Variants in DNAJC6 observed in about 807,000 individuals in gnomAD.
DNAJC6 encodes the protein DnaJ heat shock protein family (Hsp40) member C6.
In DNAJC6, 34 loss-of-function variants were observed where a neutral mutation model predicts 110.0. The observed-to-expected ratio is 0.31, with a 90% CI of 0.24 to 0.41. The LOEUF (loss-of-function observed/expected upper bound fraction) is 0.41. DNAJC6 is among the 10% of genes least tolerant of loss of function. DNAJC6 has a pLI of 1.00. For synonymous variants in DNAJC6, 406 were observed against 437.2 expected, an observed-to-expected ratio of 0.93 and a Z score of 0.89; for missense variants, 1,031 against 1,207.8, an observed-to-expected ratio of 0.85 and a Z score of 2.17.
intron 16 of DNAJC6, 140 bp from the exon 17 acceptor site, chr1:65,408,501 C>G: frequency 1.1e-6 from 1 of 897,370 alleles, no homozygotes; most frequent in Non-Finnish European, 1.7e-6. Context: ...TCTTACCCTA[C>G]TCACAGGGTA....
chr1:65,385,223 A>G (rs1645859658), intron 6 of DNAJC6, among the ~76,000 whole-genome samples: 1 of 152,234 alleles, frequency 6.6e-6, no homozygotes, highest in African/African-American at 2.4e-5. Flanking sequence ...TATAGAAATA[A>G]AAGATTACAA....
intron 1 of DNAJC6, among the ~76,000 whole-genome samples, chr1:65,304,100 A>G (rs1645015201): frequency 6.6e-6 from 1 of 152,124 alleles, no homozygotes; most frequent in South Asian, 2.1e-4. Context: ...TAAGGTAGGT[A>G]AGGCACCTGG....
At chr1:65,355,830 G>C (rs563199971) in intron 1 of DNAJC6, among the ~76,000 whole-genome samples, 11 of 149,506 alleles carry the variant, frequency 7.4e-5, no homozygotes, top group Admixed American at 7.3e-4. Context: ...AGGGAGGCTT[G>C]CTAGACACAT....
Position 65,385,722 on chromosome 1 carries a change from T to C in DNAJC6, c.811T>C (p.Tyr271His), listed in dbSNP as rs1490968489. The C allele has an allele frequency of 6.2e-7, 1 of 1,607,702 alleles. No homozygotes were observed. The highest frequency in any genetic ancestry group is 1.7e-5 in the Admixed American group (1 of 59,786). Residue 271 changes from tyrosine (Y) to histidine (H), a missense_variant, in exon 7 of 19, where the codon TAT becomes CAT. Physicochemically the swap from Tyr to His is moderately conservative, Grantham distance 83. Coordinates refer to ENST00000371069, the MANE Select transcript of DNAJC6 (RefSeq NM_001256864.2). ...LSPSHRRYLG[Y>H]MCDLLADKPY... is the part of the protein sequence containing the mutation. ...AACCTTCTGTTTCAGATACCTGGGC[T>C]ATATGTGTGACCTACTGGCAGACAA...
chr1:65,413,269 G>A lies in DNAJC6; in HGVS notation c.*244G>A, dbSNP rs1210423800. Reference sequence around the variant, plus strand: ...AGTCAGATGACCTTGCAGAACCACCGCATTCCACCCTGCCCTTTGGGGAGC... The same window carrying A: ...AGTCAGATGACCTTGCAGAACCACCACATTCCACCCTGCCCTTTGGGGAGC... On this transcript the variant is annotated 3_prime_UTR_variant, in exon 19 of 19. Coordinates refer to ENST00000371069, the MANE Select transcript of DNAJC6 (RefSeq NM_001256864.2). 1.2e-5 allele frequency: 5 copies of A among 418,400 alleles called. No individual in the cohort carries two copies. Among genetic ancestry groups the A allele is most frequent in the East Asian group, 4.8e-5 (1 of 20,640 alleles). The allele number at this position is 418,400 out of a possible 1,614,324, so 25.9% of individuals were successfully genotyped here.
chr1:65,364,125 A>G (rs1645622847), intron 1 of DNAJC6, among the ~76,000 whole-genome samples: 3 of 152,310 alleles, frequency 2.0e-5, no homozygotes, highest in Admixed American at 1.3e-4. Context: ...TAAAGGCCAC[A>G]TACGTAGCTT....
chr1:65,368,617 C>T (rs1477309604), intron 4 of DNAJC6, among the ~76,000 whole-genome samples: 1 of 146,754 alleles, frequency 6.8e-6, no homozygotes, highest in Non-Finnish European at 1.5e-5. Context: ...CCTCCTTCTC[C>T]TTCTTCTCCT....
chr1:65,289,818 T>C (rs1448862021), intron 1 of DNAJC6, among the ~76,000 whole-genome samples: 2 of 151,940 alleles, frequency 1.3e-5, no homozygotes, highest in Non-Finnish European at 2.9e-5. Flanking sequence ...TGTTGTTTTT[T>C]TTTTTTTTTG....
intron 13 of DNAJC6, among the ~76,000 whole-genome samples, chr1:65,396,800 T>C (rs1645982914): frequency 6.6e-6 from 1 of 152,196 alleles, no homozygotes; most frequent in African/African-American, 2.4e-5. Flanking sequence ...CCATAGTGCC[T>C]AAAAGAATTA....
chr1:65,406,351 T>C (rs1646076667), intron 16 of DNAJC6, among the ~76,000 whole-genome samples: 1 of 152,174 alleles, frequency 6.6e-6, no homozygotes, highest in African/African-American at 2.4e-5. Context: ...TTATACCATT[T>C]TGTGACCGTG....
chr1:65,278,203 C>T (rs1194105456), intron 1 of DNAJC6, among the ~76,000 whole-genome samples: 3 of 152,108 alleles, frequency 2.0e-5, no homozygotes, highest in East Asian at 1.9e-4. Flanking sequence ...TGTTCAGCCT[C>T]TCAAATGCAA....
intron 6 of DNAJC6, among the ~76,000 whole-genome samples, chr1:65,385,494 C>T (rs1645862371): frequency 6.6e-6 from 1 of 152,000 alleles, no homozygotes; most frequent in Non-Finnish European, 1.5e-5. Context: ...TAATAAATAC[C>T]CCAGTATCAG....
chr1:65,283,450 T>C (rs1337602453), intron 1 of DNAJC6, among the ~76,000 whole-genome samples: 1 of 152,228 alleles, frequency 6.6e-6, no homozygotes, highest in African/African-American at 2.4e-5. Flanking sequence ...CTGAGTTGCA[T>C]CCAAGTCGTT....
chr1:65,284,456 A>G (rs1653950081), intron 1 of DNAJC6, among the ~76,000 whole-genome samples: 1 of 152,096 alleles, frequency 6.6e-6, no homozygotes, highest in African/African-American at 2.4e-5. Flanking sequence ...GAGTGTCCTT[A>G]ATGGAACACC....
At chr1:65,358,210 A>G (rs959964063) in intron 1 of DNAJC6, among the ~76,000 whole-genome samples, 3 of 148,318 alleles carry the variant, frequency 2.0e-5, no homozygotes, top group African/African-American at 7.3e-5. Flanking sequence ...ACAAAACCTA[A>G]TGAATGTAAC....
At chr1:65,347,404 TC>T (rs1463909105) in intron 1 of DNAJC6, among the ~76,000 whole-genome samples, 1 of 151,986 alleles carries the variant, frequency 6.6e-6, no homozygotes, top group Non-Finnish European at 1.5e-5. Flanking sequence ...TTGTAGATTT[TC>T]TTTTTTTTTT....
intron 1 of DNAJC6, among the ~76,000 whole-genome samples, chr1:65,338,014 G>A (rs929786060): frequency 5.9e-5 from 9 of 152,040 alleles, no homozygotes; most frequent in African/African-American, 2.2e-4. Flanking sequence ...GGCTCATCTT[G>A]TATGTTTTCT....
rs185592691 is a variant in DNAJC6, at chr1:65,337,853, C to T, written c.194-26782C>T. Among the ~76,000 whole-genome samples the T allele has an allele frequency of 1.9e-3, 284 of 152,246 alleles. 4 individuals carry two copies. Among genetic ancestry groups the T allele is most frequent in the African/African-American group, 6.1e-3 (254 of 41,542 alleles). ...TTGAAGGGCCCTGGATCCAATCTCT[C>T]GAGTATATAGAGGGACATCAGTATT... On this transcript the variant is annotated intron_variant, in intron 1 of 18. Coordinates refer to ENST00000371069, the MANE Select transcript of DNAJC6 (RefSeq NM_001256864.2).
chr1:65,398,656 C>A lies in DNAJC6; in HGVS notation c.2039-157C>A, dbSNP rs1646001868. The stretch of plus-strand genomic sequence containing the variant: ...TGAAGGCAGAACATATTGAATGTTG[C>A]AGAGTGTGGCAAGAACTCAGAAGGA... On this transcript the variant is annotated intron_variant, in intron 13 of 18. Transcript: ENST00000371069. Among the ~76,000 whole-genome samples the A allele has an allele frequency of 2.6e-5, 4 of 152,146 alleles. No individual in the cohort carries two copies. The South Asian group carries it at 8.3e-4, about 32-fold the overall frequency.
Sources: allele counts gnomAD v4.1 joint callset (sites outside exome capture counted in the v4.1 genomes callset), GRCh38; gene constraint gnomAD v4.1.1; transcripts MANE v1.5; gene names NCBI Gene and HGNC (gene_info 2026-07-23, HGNC 2026-07-21).